Variants in RBFOX1 observed in about 807,000 individuals in gnomAD.
The protein encoded by RBFOX1 is RNA binding fox-1 homolog 1.
Under a neutral mutation model 57.7 loss-of-function variants are expected in RBFOX1, and 8 were observed. The observed-to-expected ratio is 0.14, with a 90% CI of 0.08 to 0.25. The LOEUF is 0.25. RBFOX1 is among the 10% of genes least tolerant of loss of function. The pLI is 1.00. For synonymous variants in RBFOX1, 326 were observed against 222.4 expected (o/e 1.47, Z -4.15); for missense variants, 611 against 548.5 (o/e 1.11, Z -1.14).
rs532323770 is a variant in RBFOX1, at chr16:5,870,867, T to TC, written c.351+3539dup. On this transcript the variant is annotated intron_variant, in intron 4 of 19. Coordinates refer to the RBFOX1 transcript ENST00000641259. Reference sequence around the variant, plus strand: ...CTTTTCCTTCTCAAATGACTTTCTTTCCCCCCCACCCCCAAGTAGAGACAA... The same window carrying TC: ...CTTTTCCTTCTCAAATGACTTTCTTTCCCCCCCCACCCCCAAGTAGAGACAA... Among the ~76,000 whole-genome samples, 157 of 151,510 alleles carry TC rather than the reference T, an allele frequency of 1.0e-3. 1 individual carries two copies. The highest frequency in any genetic ancestry group is 3.6e-3 in the South Asian group (17 of 4,758).
intron 4 of RBFOX1, among the ~76,000 whole-genome samples, chr16:7,388,644 C>CTTTTTTT (rs61629644): frequency 1.1e-4 from 10 of 92,604 alleles, no homozygotes; most frequent in African/African-American, 1.7e-4. Context: ...GTTTCACTTA[C>CTTTTTTT]TTTTTTTTTT....
rs1378368560 is a variant in RBFOX1, at chr16:6,601,512, A to G, written c.-63-53091A>G. Among the ~76,000 whole-genome samples the G allele has an allele frequency of 2.6e-5, 4 of 152,106 alleles. No homozygotes were observed. The East Asian group carries it at 7.7e-4, about 29-fold the overall frequency. On this transcript the variant is annotated intron_variant, in intron 2 of 15. Coordinates refer to ENST00000550418, the MANE Select transcript of RBFOX1 (RefSeq NM_018723.4). ...TACAAGAAGCTATACCAGCGTAAGG[A>G]TCCTGGACCATTCTACTCATAGTTT...
At chr16:6,932,194 C>G (rs1342385564) in intron 3 of RBFOX1, among the ~76,000 whole-genome samples, 25 of 152,202 alleles carry the variant, frequency 1.6e-4, no homozygotes. Context: ...ACCTCCACCT[C>G]CTGTGCTTGA....
chr16:5,863,940 A>G (rs1597548116), intron 3 of RBFOX1, among the ~76,000 whole-genome samples: 1 of 152,192 alleles, frequency 6.6e-6, no homozygotes, highest in African/African-American at 2.4e-5. Flanking sequence ...TCAGAGGTAC[A>G]TATTGCAGGT....
intron 3 of RBFOX1, among the ~76,000 whole-genome samples, chr16:5,629,660 G>A (rs1267732483): frequency 6.6e-6 from 1 of 152,188 alleles, no homozygotes; most frequent in African/African-American, 2.4e-5. Flanking sequence ...GATAATAGTT[G>A]CTCTGAGCCT....
Position 5,818,157 on chromosome 16 carries a change from A to C in RBFOX1, c.319-49146A>C, listed in dbSNP as rs1398933366. On this transcript the variant is annotated intron_variant, in intron 3 of 19. Coordinates refer to the RBFOX1 transcript ENST00000641259. Reference sequence around the variant, plus strand: ...GATCATCACCATCCTTAGCATTGTTACCAATCATTGAGCAGTTGCTGAGCC... The same window carrying C: ...GATCATCACCATCCTTAGCATTGTTCCCAATCATTGAGCAGTTGCTGAGCC... Among the ~76,000 whole-genome samples, 3 of 152,184 alleles carry C rather than the reference A, an allele frequency of 2.0e-5. No homozygotes were observed. The East Asian group carries it at 5.8e-4, about 29-fold the overall frequency.
At chr16:5,705,166 T>C (rs1490132174) in intron 3 of RBFOX1, among the ~76,000 whole-genome samples, 1 of 152,236 alleles carries the variant, frequency 6.6e-6, no homozygotes, top group African/African-American at 2.4e-5. Context: ...ATCTTTGTCC[T>C]TGAAGGCTAT....
chr16:6,148,472 G>C (rs568941717), intron 1 of RBFOX1, among the ~76,000 whole-genome samples: 1 of 152,280 alleles, frequency 6.6e-6, no homozygotes, highest in South Asian at 2.1e-4. Context: ...TCATCCCCCA[G>C]CTACTGGCAT....
At chr16:6,912,623 T>A in intron 3 of RBFOX1, among the ~76,000 whole-genome samples, 1 of 66,090 alleles carries the variant, frequency 1.5e-5, no homozygotes. Context: ...GTGTTATTAC[T>A]ATTTTTTTTT....
intron 3 of RBFOX1, among the ~76,000 whole-genome samples, chr16:5,791,862 A>G (rs1412744854): frequency 6.6e-6 from 1 of 152,128 alleles, no homozygotes; most frequent in Non-Finnish European, 1.5e-5. Context: ...GGTGGAGAAA[A>G]TGGCAATTGT....
intron 2 of RBFOX1, among the ~76,000 whole-genome samples, chr16:5,585,281 G>A (rs953792093): frequency 6.6e-6 from 1 of 152,038 alleles, no homozygotes; most frequent in African/African-American, 2.4e-5. Flanking sequence ...ATTGGTAACT[G>A]GCTGCTTTTG....
chr16:6,811,659 G>T (rs531529732), intron 3 of RBFOX1, among the ~76,000 whole-genome samples: 45 of 152,294 alleles, frequency 3.0e-4, no homozygotes, highest in Non-Finnish European at 5.3e-4. Flanking sequence ...GGAGGCTAAG[G>T]CGGGTAGATC....
At chr16:7,102,285 G>T (rs1038973186) in intron 4 of RBFOX1, among the ~76,000 whole-genome samples, 1 of 152,280 alleles carries the variant, frequency 6.6e-6, no homozygotes, top group South Asian at 2.1e-4. Context: ...TCCATTCTTT[G>T]TCTATCCATA....
At chr16:5,911,948 C>A (rs763768639) in intron 4 of RBFOX1, among the ~76,000 whole-genome samples, 6 of 152,160 alleles carry the variant, frequency 3.9e-5, no homozygotes, top group Non-Finnish European at 7.3e-5. Flanking sequence ...GGGACACAAA[C>A]ATTCAGACCT....
At chr16:7,049,582 G>A (rs7191355) in intron 3 of RBFOX1, among the ~76,000 whole-genome samples, 5 of 152,160 alleles carry the variant, frequency 3.3e-5, no homozygotes, top group Non-Finnish European at 7.3e-5. Context: ...CTGGGTGTCT[G>A]ATTTTCAGCC....
At chr16:5,685,017 T>A (rs2050461477) in intron 3 of RBFOX1, among the ~76,000 whole-genome samples, 1 of 152,148 alleles carries the variant, frequency 6.6e-6, no homozygotes, top group African/African-American at 2.4e-5. Context: ...TGTTAGGATC[T>A]GGTGTAAAGT....
chr16:6,729,482 T>G (rs1350015986), intron 3 of RBFOX1, among the ~76,000 whole-genome samples: 1 of 152,126 alleles, frequency 6.6e-6, no homozygotes, highest in Non-Finnish European at 1.5e-5. Context: ...AGCAATCCAT[T>G]AAAATGTTTT....
intron 11 of RBFOX1, among the ~76,000 whole-genome samples, chr16:7,631,832 C>A (rs1568190803): frequency 6.6e-6 from 1 of 152,220 alleles, no homozygotes; most frequent in African/African-American, 2.4e-5. Context: ...CTGTTACCAG[C>A]AGTCACAGGG....
chr16:6,362,204 A>C (rs1464282867), intron 2 of RBFOX1, among the ~76,000 whole-genome samples: 1 of 150,432 alleles, frequency 6.6e-6, no homozygotes, highest in Non-Finnish European at 1.5e-5. Context: ...AAATTAAATT[A>C]CTAAAATTTG....
Sources: gnomAD v4.1 joint callset for allele counts (sites outside exome capture counted in the v4.1 genomes callset) on GRCh38, gnomAD v4.1.1 for gene constraint, MANE v1.5 for transcripts, NCBI Gene and HGNC (gene_info 2026-07-23, HGNC 2026-07-21) for gene names.